Variants in DAB1 observed in about 807,000 individuals in gnomAD.
DAB1 encodes DAB adaptor protein 1.
DAB1 carries 15 observed loss-of-function variants against 64.6 expected under a neutral mutation model. That is an observed-to-expected ratio of 0.23 (90% CI 0.16 to 0.36). The LOEUF is 0.36. Ranked by LOEUF, DAB1 falls within the 10% of genes least tolerant of loss-of-function variation. DAB1 has a pLI of 1.00. For missense variants in DAB1, 596 were observed against 706.7 expected (o/e 0.84, Z 1.78); for synonymous variants, 235 against 251.9 (o/e 0.93, Z 0.64).
chr1:58,097,283 G>C (rs1431378587), intron 5 of DAB1, among the ~76,000 whole-genome samples: 1 of 152,218 alleles, frequency 6.6e-6, no homozygotes, highest in Non-Finnish European at 1.5e-5. Context: ...GCAAGTGATG[G>C]AGCAGAATTC....
intron 5 of DAB1, among the ~76,000 whole-genome samples, chr1:58,108,194 A>T (rs997156988): frequency 1.3e-5 from 2 of 152,194 alleles, no homozygotes; most frequent in African/African-American, 4.8e-5. Flanking sequence ...AATAATTCTC[A>T]CTACTCTTTT....
At chr1:57,750,302 A>G (rs1648494485) in intron 6 of DAB1, among the ~76,000 whole-genome samples, 1 of 152,032 alleles carries the variant, frequency 6.6e-6, no homozygotes, top group African/African-American at 2.4e-5. Flanking sequence ...ATTTCTAACC[A>G]TTCAGTATGT....
intron 4 of DAB1, among the ~76,000 whole-genome samples, chr1:58,249,898 T>TGC (rs1399255845): frequency 6.6e-6 from 1 of 152,144 alleles, no homozygotes; most frequent in East Asian, 1.9e-4. Flanking sequence ...CCCAAAACTT[T>TGC]GCGCACACTG....
intron 9 of DAB1, among the ~76,000 whole-genome samples, chr1:57,058,591 C>A (rs951103710): frequency 6.6e-6 from 1 of 152,172 alleles, no homozygotes; most frequent in African/African-American, 2.4e-5. Flanking sequence ...GTGAGTAGTT[C>A]AGTGCAACAA....
At chr1:57,422,518 G>A (rs1684998485) in intron 1 of DAB1, among the ~76,000 whole-genome samples, 1 of 152,032 alleles carries the variant, frequency 6.6e-6, no homozygotes, top group South Asian at 2.1e-4. Flanking sequence ...ACGCGGGCGC[G>A]CACCCCAGAC....
chr1:58,499,697 T>C (rs1446749456), intron 3 of DAB1, among the ~76,000 whole-genome samples: 1 of 152,144 alleles, frequency 6.6e-6, no homozygotes, highest in African/African-American at 2.4e-5. Context: ...AATATCTTAG[T>C]TGGTTTGATT....
intron 6 of DAB1, among the ~76,000 whole-genome samples, chr1:57,740,910 G>C (rs1305018322): frequency 6.6e-6 from 1 of 152,182 alleles, no homozygotes; most frequent in African/African-American, 2.4e-5. Flanking sequence ...GTATTGGGCA[G>C]AAAGGAGGGA....
chr1:58,002,682 G>T (rs774903987), intron 5 of DAB1, among the ~76,000 whole-genome samples: 36 of 152,196 alleles, frequency 2.4e-4, no homozygotes, highest in African/African-American at 3.9e-4. Flanking sequence ...TATATATATA[G>T]AGAGAGAGAC....
chr1:57,800,312 C>A (rs147371586), intron 6 of DAB1, among the ~76,000 whole-genome samples: 2 of 152,154 alleles, frequency 1.3e-5, no homozygotes, highest in Admixed American at 6.5e-5. Context: ...ACCCAGGGGA[C>A]TTTTGAATGA....
At chr1:57,900,867 G>C (rs530682196) in intron 5 of DAB1, among the ~76,000 whole-genome samples, 1 of 152,134 alleles carries the variant, frequency 6.6e-6, no homozygotes, top group African/African-American at 2.4e-5. Flanking sequence ...TGATTCTATG[G>C]GGGCAGGGAC....
At chr1:57,983,212 T>C (rs2764670) in intron 5 of DAB1, among the ~76,000 whole-genome samples, 128,251 of 152,146 alleles carry the variant, frequency 0.84, 55,002 homozygotes, top group South Asian at 0.94. Context: ...TTCACTAAAT[T>C]TGGAGGTCAA....
Position 58,321,764 on chromosome 1 carries a change from T to C in DAB1, n.309+21588A>G, listed in dbSNP as rs1433336753. Among the ~76,000 whole-genome samples, 8 of 152,206 alleles carry C rather than the reference T, an allele frequency of 5.3e-5. No individual in the cohort carries two copies. In the East Asian group the frequency reaches 1.2e-3, roughly 22 times the overall value. The stretch of plus-strand genomic sequence containing the variant: ...AGGTAAACAAAGTGGCTGGGGAAGC[T>C]CCAACTGGGCGGAGCCCACTGCAGC... On this transcript the variant is annotated intron_variant and non_coding_transcript_variant, in intron 4 of 20. Coordinates refer to the DAB1 transcript ENST00000485760.
chr1:58,438,280 T>A (rs957383818), intron 3 of DAB1, among the ~76,000 whole-genome samples: 2 of 152,192 alleles, frequency 1.3e-5, no homozygotes, highest in Non-Finnish European at 2.9e-5. Context: ...TGCTATGAAG[T>A]CGCAGGCAGG....
intron 4 of DAB1, among the ~76,000 whole-genome samples, chr1:58,336,428 A>C (rs1336187499): frequency 1.3e-5 from 2 of 152,226 alleles, no homozygotes; most frequent in African/African-American, 2.4e-5. Context: ...TTAAAATAAT[A>C]ATCTTTACAA....
At chr1:57,925,408 G>A (rs185425871) in intron 5 of DAB1, among the ~76,000 whole-genome samples, 20 of 152,274 alleles carry the variant, frequency 1.3e-4, no homozygotes, top group Middle Eastern at 3.4e-3. Flanking sequence ...ATACATGCAC[G>A]CTTCATACAG....
At chr1:58,322,893 C>T (rs12093722) in intron 4 of DAB1, among the ~76,000 whole-genome samples, 3,503 of 152,136 alleles carry the variant, frequency 0.023, 155 homozygotes, top group African/African-American at 0.08. Flanking sequence ...ATATGTACCA[C>T]GGAATACTAT....
chr1:57,288,908 T>C (rs1570173526), intron 2 of DAB1, among the ~76,000 whole-genome samples: 1 of 152,194 alleles, frequency 6.6e-6, no homozygotes, highest in East Asian at 1.9e-4. Context: ...ATCTTCATAG[T>C]GAGCCTTTGA....
intron 9 of DAB1, among the ~76,000 whole-genome samples, chr1:57,032,832 G>T (rs1445877135): frequency 6.6e-6 from 1 of 152,166 alleles, no homozygotes. Flanking sequence ...TTGAACAGAT[G>T]TTGACTGCAA....
intron 3 of DAB1, among the ~76,000 whole-genome samples, chr1:58,387,860 G>T (rs1160136401): frequency 6.6e-6 from 1 of 151,606 alleles, no homozygotes; most frequent in Non-Finnish European, 1.5e-5. Flanking sequence ...TGAAGTAGCT[G>T]GGACTACAGG....
Sources: gnomAD v4.1 joint callset for allele counts (sites outside exome capture counted in the v4.1 genomes callset) on GRCh38, gnomAD v4.1.1 for gene constraint, MANE v1.5 for transcripts, NCBI Gene and HGNC (gene_info 2026-07-23, HGNC 2026-07-21) for gene names.